Variants in THSD7B observed in about 807,000 individuals in gnomAD.
The protein encoded by THSD7B is thrombospondin type-1 domain-containing protein 7B.
Under a neutral mutation model 213.6 loss-of-function variants are expected in THSD7B, and 138 were observed. The observed-to-expected ratio is 0.65, with a 90% CI of 0.56 to 0.74. The LOEUF (loss-of-function observed/expected upper bound fraction) is 0.74. Among genes scored for constraint, THSD7B ranks in the 30% least tolerant of loss-of-function variants. The probability of loss-of-function intolerance (pLI) is 0.00; values close to 1 mark genes in which losing one functional copy is unlikely to be tolerated. For synonymous variants in THSD7B, 742 were observed against 687.0 expected (o/e 1.08, Z -1.25); for missense variants, 1,931 against 1,991.5 (o/e 0.97, Z 0.58).
intron 1 of THSD7B, among the ~76,000 whole-genome samples, chr2:136,859,777 T>C (rs1683231291): frequency 6.6e-6 from 1 of 152,168 alleles, no homozygotes; most frequent in African/African-American, 2.4e-5. Context: ...AGAAGTAGTA[T>C]AGCCCCAAAA....
intron 7 of THSD7B, among the ~76,000 whole-genome samples, chr2:137,195,362 A>G (rs977179070): frequency 2.0e-5 from 3 of 152,092 alleles, no homozygotes; most frequent in African/African-American, 7.2e-5. Flanking sequence ...AGCCACTCCT[A>G]GAGCTCAGAT....
chr2:137,541,325 A>G (rs531416983), intron 15 of THSD7B, among the ~76,000 whole-genome samples: 23 of 151,870 alleles, frequency 1.5e-4, no homozygotes, highest in Non-Finnish European at 3.2e-4. Flanking sequence ...AATATGGTCC[A>G]AAAACAAGAA....
intron 7 of THSD7B, among the ~76,000 whole-genome samples, chr2:137,187,315 C>T (rs934130889): frequency 6.6e-6 from 1 of 152,090 alleles, no homozygotes; most frequent in Non-Finnish European, 1.5e-5. Context: ...AAAGGAATGA[C>T]CTGACCTGCC....
intron 1 of THSD7B, among the ~76,000 whole-genome samples, chr2:136,844,490 G>GAGAGAGAGAGAGAGAGAGAGAGAC (rs895586400): frequency 6.0e-5 from 9 of 149,598 alleles, no homozygotes; most frequent in East Asian, 1.9e-4. Flanking sequence ...GAGAGAGAGA[G>GAGAGAGAGAGAGAGAGAGAGAGAC]AGAGACAGAG....
At chr2:137,288,288 C>G (rs943051702) in intron 12 of THSD7B, among the ~76,000 whole-genome samples, 3 of 152,036 alleles carry the variant, frequency 2.0e-5, no homozygotes, top group Admixed American at 6.6e-5. Flanking sequence ...TTATGCCAAC[C>G]ATGTCATGAA....
At chr2:136,964,865 G>T (rs1573737830) in intron 2 of THSD7B, among the ~76,000 whole-genome samples, 1 of 152,154 alleles carries the variant, frequency 6.6e-6, no homozygotes, top group East Asian at 1.9e-4. Context: ...GCCGGGTGCG[G>T]TGGCACACGC....
chr2:137,288,744 C>A (rs1683246054), intron 12 of THSD7B, among the ~76,000 whole-genome samples: 1 of 151,806 alleles, frequency 6.6e-6, no homozygotes. Flanking sequence ...CACACATACA[C>A]AGTGAGAGAG....
rs1274613122 is a variant in THSD7B, at chr2:137,659,798, A to G, written c.4458+52A>G. ...AAGTGCATTAATTGCTGTGTTTTACACATGCAATCAGATGTTCTCCTGCCG... is the reference window on the plus strand; with the variant it reads ...AAGTGCATTAATTGCTGTGTTTTACGCATGCAATCAGATGTTCTCCTGCCG... On this transcript the variant is annotated intron_variant, in intron 25 of 27. Coordinates refer to ENST00000409968, the MANE Select transcript of THSD7B (RefSeq NM_001316349.2). 3.3e-6 allele frequency: 5 copies of G among 1,516,438 alleles called. No homozygotes were observed. In the South Asian group the frequency reaches 6.1e-5, roughly 19 times the overall value. 93.9% of individuals were successfully genotyped at this position (1,516,438 alleles called of 1,614,324 possible). A position where few individuals can be genotyped will look rare whatever the true frequency, so the allele number is the denominator to read the frequency against.
At chr2:137,008,706 A>T (rs1346609979) in intron 2 of THSD7B, among the ~76,000 whole-genome samples, 1 of 152,202 alleles carries the variant, frequency 6.6e-6, no homozygotes, top group African/African-American at 2.4e-5. Context: ...GGGCATCACA[A>T]TTTGTGGAAC....
chr2:137,668,950 C>G (rs894860600), intron 27 of THSD7B, among the ~76,000 whole-genome samples: 1 of 151,910 alleles, frequency 6.6e-6, no homozygotes, highest in African/African-American at 2.4e-5. Flanking sequence ...GTGGCAGAGG[C>G]GGAAGAAATT....
intron 12 of THSD7B, among the ~76,000 whole-genome samples, chr2:137,366,732 T>A (rs1558772160): frequency 6.6e-6 from 1 of 152,094 alleles, no homozygotes; most frequent in East Asian, 1.9e-4. Context: ...GATATTGTTA[T>A]AAAAAATATT....
intron 2 of THSD7B, among the ~76,000 whole-genome samples, chr2:136,992,672 A>G (rs1048077465): frequency 1.3e-5 from 2 of 152,166 alleles, no homozygotes; most frequent in African/African-American, 4.8e-5. Flanking sequence ...TAGTTACAAG[A>G]CATTGGTTGA....
At position 137,405,806 on chromosome 2, in the gene THSD7B, A is replaced by G; in HGVS notation, c.2694A>G (p.Thr898=). 1 of 1,608,894 alleles carries G rather than the reference A, an allele frequency of 6.2e-7. No homozygotes were observed. Among genetic ancestry groups the G allele is most frequent in the Non-Finnish European group, 8.5e-7 (1 of 1,177,562 alleles). Residue 898 remains threonine (T), a splice_region_variant and synonymous_variant, in exon 13 of 28, where the codon ACA becomes ACG. Transcript: ENST00000409968. ...CAAAAAGTAGGCGGCGACAGCTCACAGGTATAGTGTGCATTTTACTCTTTA... is the reference window on the plus strand; with the variant it reads ...CAAAAAGTAGGCGGCGACAGCTCACGGGTATAGTGTGCATTTTACTCTTTA... ...EATKSRRRQL[T]GKSRKKEKCQ...
chr2:137,218,690 A>G (rs1420106119), intron 7 of THSD7B, among the ~76,000 whole-genome samples: 4 of 152,142 alleles, frequency 2.6e-5, no homozygotes, highest in African/African-American at 7.2e-5. Context: ...TATTATTTAC[A>G]TAAATTTCCA....
intron 20 of THSD7B, among the ~76,000 whole-genome samples, chr2:137,628,672 G>T (rs1379752732): frequency 6.6e-6 from 1 of 152,214 alleles, no homozygotes; most frequent in Non-Finnish European, 1.5e-5. Context: ...AAGGGCCACT[G>T]CTGGGATGTT....
intron 5 of THSD7B, among the ~76,000 whole-genome samples, chr2:137,130,096 T>C (rs576491042): frequency 2.0e-5 from 3 of 152,022 alleles, no homozygotes; most frequent in Admixed American, 6.6e-5. Context: ...GGGGATTGCA[T>C]TGGGAAGCAA....
At chr2:136,790,004 G>T (rs1192784304) in intron 1 of THSD7B, among the ~76,000 whole-genome samples, 1 of 151,840 alleles carries the variant, frequency 6.6e-6, no homozygotes, top group Non-Finnish European at 1.5e-5. Context: ...GATCTTTAAT[G>T]GCCTGGGAGG....
rs1361491761 is a variant in THSD7B, at chr2:137,450,903, G to A, written c.3018G>A (p.Trp1006Ter). 1 of 1,613,278 alleles carries A rather than the reference G, an allele frequency of 6.2e-7. No individual in the cohort carries two copies. Among genetic ancestry groups the A allele is most frequent in the Non-Finnish European group, 8.5e-7 (1 of 1,179,524 alleles). Reference protein sequence around the residue: ...PCPFDCKLSDWSSWGSCSSSC... With the variant: ...PCPFDCKLSD ...CATTTGATTGCAAGTTAAGCGATTG[G>A]TCTAGTTGGGGGTCTTGCAGTTCAT... Residue 1006 changes from tryptophan (W) to a stop codon, truncating the protein, a stop_gained, in exon 15 of 28, where the codon TGG (tryptophan) becomes TGA (stop). Transcript: ENST00000409968. LOFTEE classifies it high-confidence loss of function.
At chr2:137,151,935 GTGTT>G (rs1035713026) in intron 5 of THSD7B, among the ~76,000 whole-genome samples, 36 of 151,712 alleles carry the variant, frequency 2.4e-4, no homozygotes, top group African/African-American at 8.5e-4. Flanking sequence ...GCACATGACT[GTGTT>G]TGTAGCTAGT....
Sources: allele counts gnomAD v4.1 joint callset (sites outside exome capture counted in the v4.1 genomes callset), GRCh38; gene constraint gnomAD v4.1.1; transcripts MANE v1.5; gene names NCBI Gene and HGNC (gene_info 2026-07-23, HGNC 2026-07-21).